Variants in DYSF observed in about 807,000 individuals in gnomAD.
DYSF encodes dysferlin.
Under a neutral mutation model 274.9 loss-of-function variants are expected in DYSF, and 212 were observed. The observed-to-expected ratio is 0.77, with a 90% CI of 0.69 to 0.86. The LOEUF (loss-of-function observed/expected upper bound fraction) is 0.86. Among genes scored for constraint, DYSF ranks in the 40% least tolerant of loss-of-function variants. The probability of loss-of-function intolerance (pLI) is 0.00; values close to 1 mark genes in which losing one functional copy is unlikely to be tolerated. For synonymous variants in DYSF, 1,091 were observed against 1,078.7 expected (o/e 1.01, Z -0.22); for missense variants, 2,666 against 2,783.2 (o/e 0.96, Z 0.95).
intron 41 of DYSF, among the ~76,000 whole-genome samples, chr2:71,635,045 A>G (rs1396466399): frequency 1.3e-5 from 2 of 152,148 alleles, no homozygotes; most frequent in African/African-American, 4.8e-5. Flanking sequence ...GCCATCTCCA[A>G]TCAACTGCCC....
At chr2:71,525,004 G>C (rs1233475840) in intron 12 of DYSF, among the ~76,000 whole-genome samples, 2 of 152,270 alleles carry the variant, frequency 1.3e-5, no homozygotes, top group Non-Finnish European at 1.5e-5. Flanking sequence ...GCAGAATCTT[G>C]GGCCCCACCC....
chr2:71,661,495 C>T (rs1359644423), intron 45 of DYSF, among the ~76,000 whole-genome samples: 1 of 152,162 alleles, frequency 6.6e-6, no homozygotes, highest in Non-Finnish European at 1.5e-5. Flanking sequence ...GTAATTAATT[C>T]TCTGTAAGTG....
At chr2:71,602,659 C>T in intron 35 of DYSF, 117 bp from the exon 36 acceptor site, 2 of 1,071,980 alleles carry the variant, frequency 1.9e-6, no homozygotes, top group Non-Finnish European at 1.4e-6. Flanking sequence ...GTGGTGGCAT[C>T]TGGCATGCTG....
intron 36 of DYSF, among the ~76,000 whole-genome samples, chr2:71,605,396 G>A (rs1464369286): frequency 2.0e-5 from 3 of 152,212 alleles, no homozygotes. Flanking sequence ...GTACACTCTC[G>A]AGGGCACACA....
chr2:71,585,086 G>A (rs1054660672), intron 30 of DYSF, among the ~76,000 whole-genome samples: 1 of 152,244 alleles, frequency 6.6e-6, no homozygotes, highest in African/African-American at 2.4e-5. Flanking sequence ...CCTGGCCACA[G>A]GGGACATTGG....
chr2:71,567,990 C>G lies in DYSF; in HGVS notation c.2605C>G (p.Gln869Glu), dbSNP rs780129376. 1.9e-6 allele frequency: 3 copies of G among 1,613,996 alleles called. No individual in the cohort carries two copies. The highest frequency in any genetic ancestry group is 1.7e-6 in the Non-Finnish European group (2 of 1,180,030). The change falls in exon 25 of 56, where the codon CAG becomes GAG. Residue 869 changes from glutamine (Q) to glutamate (E), a missense_variant. Physicochemically the swap from Gln to Glu is conservative, Grantham distance 29. This residue lies in a region of DYSF where 412 missense variants were observed against 504.0 expected (regional missense o/e 0.82). Transcript: ENST00000410020. Reference protein sequence around the residue: ...EKVPGARMPVQIRVKLWFGLS... With the variant: ...EKVPGARMPVEIRVKLWFGLS... Reference sequence around the variant, plus strand: ...GGTGCCTGGCGCCCGGATGCCAGTGCAGATACGGGTCAAGCTGTGGTTTGG... The same window carrying G: ...GGTGCCTGGCGCCCGGATGCCAGTGGAGATACGGGTCAAGCTGTGGTTTGG...
intron 49 of DYSF, 96 bp from the exon 50 acceptor site, chr2:71,669,016 T>G (rs1348293080): frequency 1.5e-6 from 2 of 1,318,340 alleles, no homozygotes; most frequent in Non-Finnish European, 2.1e-6. Flanking sequence ...CATCGAGTCC[T>G]CTTGGACCAG....
chr2:71,612,690 T>C lies in DYSF; in HGVS notation c.4271T>C (p.Ile1424Thr). The C allele has an allele frequency of 1.9e-6, 3 of 1,614,108 alleles. No individual in the cohort carries two copies. Among genetic ancestry groups the C allele is most frequent in the Non-Finnish European group, 2.5e-6 (3 of 1,180,020 alleles). The change falls in exon 39 of 56, where the codon ATC (isoleucine) becomes ACC (threonine). Residue 1424 changes from isoleucine (I) to threonine (T), a missense_variant. This residue lies in a region of DYSF where 1,460 missense variants were observed against 1,502.1 expected (regional missense o/e 0.97). Transcript: ENST00000410020. ...LYCPPITVKV[I>T]DNRQFGRRPV... ...TGCCCCCCCATCACCGTCAAGGTCA[T>C]CGATAACCGCCAGTTTGGCCGCCGG...
chr2:71,613,743 A>C (rs1016116842), intron 40 of DYSF, among the ~76,000 whole-genome samples: 1 of 152,048 alleles, frequency 6.6e-6, no homozygotes, highest in African/African-American at 2.4e-5. Context: ...GAAGGACGAC[A>C]GGGGAGGGAG....
intron 40 of DYSF, 74 bp from the exon 41 acceptor site, chr2:71,620,473 C>T: frequency 1.3e-6 from 2 of 1,487,506 alleles, no homozygotes; most frequent in South Asian, 2.4e-5. Context: ...AGAGCGCTAC[C>T]TCTTGGAGAC....
chr2:71,456,703 C>T lies in DYSF; in HGVS notation c.88+2617C>T, dbSNP rs529721927. ...GGTAGAGGGCAAAGATATTATCCCC[C>T]CTTAAAGATAAGGATATTGGCCCAG... On this transcript the variant is annotated intron_variant, in intron 1 of 54. Transcript: ENST00000258104. Among the ~76,000 whole-genome samples the T allele has an allele frequency of 5.3e-5, 8 of 152,290 alleles. No homozygotes were observed. In the South Asian group the frequency reaches 1.2e-3, roughly 24 times the overall value.
At chr2:71,674,144 C>A in intron 51 of DYSF, 53 bp from the exon 52 acceptor site, 1 of 1,545,320 alleles carries the variant, frequency 6.5e-7, no homozygotes, top group Non-Finnish European at 8.9e-7. Flanking sequence ...GGGAACACTG[C>A]CTCTCTCTAA....
intron 41 of DYSF, among the ~76,000 whole-genome samples, chr2:71,627,030 T>C (rs1278604270): frequency 6.6e-6 from 1 of 151,666 alleles, no homozygotes; most frequent in East Asian, 1.9e-4. Context: ...TTCTCAAGAT[T>C]ATATTTTATT....
intron 52 of DYSF, among the ~76,000 whole-genome samples, chr2:71,675,474 G>A: frequency 6.6e-6 from 1 of 152,200 alleles, no homozygotes; most frequent in East Asian, 1.9e-4. Context: ...TCTTAGCTGA[G>A]CCCTGGGGCC....
chr2:71,669,067 C>G (rs1337072699), intron 49 of DYSF, 45 bp from the exon 50 acceptor site: 3 of 1,522,538 alleles, frequency 2.0e-6, no homozygotes, highest in South Asian at 1.2e-5. Context: ...CCTTCCCATC[C>G]TTTGGTAGGA....
intron 41 of DYSF, among the ~76,000 whole-genome samples, chr2:71,641,952 G>A (rs561923523): frequency 6.6e-5 from 10 of 152,198 alleles, no homozygotes; most frequent in African/African-American, 2.4e-4. Context: ...TGGAAAAGAA[G>A]GTATATCTTC....
In DYSF at chr2:71,511,858, C is replaced by T. The variant is rs886043009; in HGVS notation, c.397C>T (p.Leu133=). 5.2e-6 allele frequency: 8 copies of T among 1,551,620 alleles called. No individual in the cohort carries two copies. The African/African-American group carries it at 8.2e-5, about 16-fold the overall frequency. The change falls in exon 5 of 56, where the codon CTG becomes TTG. Residue 133 remains leucine, a synonymous_variant. Coordinates refer to ENST00000410020, the MANE Select transcript of DYSF (RefSeq NM_001130987.2). Reference sequence around the variant, plus strand: ...CACACCGCTGCCTGGAGCTGTGCCCCTGTTCCCGCCCCCTACTCCTCTGGA... The same window carrying T: ...CACACCGCTGCCTGGAGCTGTGCCCTTGTTCCCGCCCCCTACTCCTCTGGA... The part of the protein sequence containing the change: ...SYTPLPGAVP[L]FPPPTPLEPS...
rs772742658 is a variant in DYSF at position 71,601,501 on chromosome 2, G to A, written c.3900G>A (p.Pro1300=). The change falls in exon 35 of 56, where the codon CCG becomes CCA. Residue 1300 remains proline, a splice_region_variant and synonymous_variant. Coordinates refer to ENST00000410020, the MANE Select transcript of DYSF (RefSeq NM_001130987.2). ...GAGCTCTCTTTTCTTCACTCCAGCCGGCCATCCACCATATTCCTGGTTTTG... is the reference window on the plus strand; with the variant it reads ...GAGCTCTCTTTTCTTCACTCCAGCCAGCCATCCACCATATTCCTGGTTTTG... ...ASFELIQREK[P]AIHHIPGFEV... is the part of the protein sequence containing the mutation. The A allele has an allele frequency of 1.1e-5, 17 of 1,614,124 alleles. No individual in the cohort carries two copies. The highest frequency in any genetic ancestry group is 2.2e-5 in the South Asian group (2 of 91,082).
At chr2:71,665,344 C>G in intron 47 of DYSF, 40 bp downstream of exon 47, 1 of 1,613,510 alleles carries the variant, frequency 6.2e-7, no homozygotes, top group East Asian at 2.2e-5. Flanking sequence ...TGGGCTCTCG[C>G]TGTATCCCTC....
Sources: gnomAD v4.1 joint callset for allele counts (sites outside exome capture counted in the v4.1 genomes callset) on GRCh38, gnomAD v4.1.1 for gene constraint, gnomAD v4.1.1 regional missense constraint, MANE v1.5 for transcripts, NCBI Gene and HGNC (gene_info 2026-07-23, HGNC 2026-07-21) for gene names.